ADCY8: variants seen among roughly 807,000 people sequenced by gnomAD.
The protein encoded by ADCY8 is adenylate cyclase 8, also known as adenylate cyclase type 8.
ADCY8 carries 51 observed loss-of-function variants against 119.7 expected under a neutral mutation model. The observed-to-expected ratio is 0.43, with a 90% CI of 0.34 to 0.54. ADCY8 has a LOEUF of 0.54. Among genes scored for constraint, ADCY8 ranks in the 20% least tolerant of loss-of-function variants. The pLI is 0.03. For synonymous variants in ADCY8, 665 were observed against 651.0 expected, an observed-to-expected ratio of 1.02 and a Z score of -0.33; for missense variants, 1,383 against 1,598.8, an observed-to-expected ratio of 0.87 and a Z score of 2.30.
At chr8:130,859,197 A>G (rs953369623) in intron 9 of ADCY8, among the ~76,000 whole-genome samples, 6 of 152,230 alleles carry the variant, frequency 3.9e-5, no homozygotes, top group African/African-American at 1.2e-4. Flanking sequence ...GCATATAAAC[A>G]TATCTATAAA....
chr8:130,971,761 C>A (rs1821929833), intron 2 of ADCY8, among the ~76,000 whole-genome samples: 1 of 152,014 alleles, frequency 6.6e-6, no homozygotes. Context: ...ATAAGAGTGA[C>A]AATGGTTTTA....
chr8:130,893,630 G>T (rs2130491392), intron 7 of ADCY8, among the ~76,000 whole-genome samples: 1 of 151,706 alleles, frequency 6.6e-6, no homozygotes, highest in Admixed American at 6.6e-5. Context: ...GGATTTTTTA[G>T]AGGTGTCAAT....
chr8:130,831,712 A>C (rs1157017885), intron 12 of ADCY8, among the ~76,000 whole-genome samples: 1 of 152,218 alleles, frequency 6.6e-6, no homozygotes, highest in Non-Finnish European at 1.5e-5. Flanking sequence ...TAGAGGTAAC[A>C]AGAAGCTCTT....
chr8:131,027,752 A>G (rs1242895993), intron 1 of ADCY8, among the ~76,000 whole-genome samples: 1 of 152,190 alleles, frequency 6.6e-6, no homozygotes, highest in Admixed American at 6.5e-5. Flanking sequence ...CAGCACAAAG[A>G]TACATACTTG....
chr8:131,004,895 A>G (rs1024743641), intron 1 of ADCY8, among the ~76,000 whole-genome samples: 1 of 152,126 alleles, frequency 6.6e-6, no homozygotes, highest in South Asian at 2.1e-4. Flanking sequence ...GGCTGGGATC[A>G]TTCTGTGGTT....
chr8:131,007,030 A>G (rs1341002422), intron 1 of ADCY8, among the ~76,000 whole-genome samples: 2 of 152,162 alleles, frequency 1.3e-5, no homozygotes, highest in Admixed American at 1.3e-4. Context: ...CCAAATGAAG[A>G]TAAACCATCT....
chr8:130,831,934 C>T (rs1816846996), intron 12 of ADCY8, among the ~76,000 whole-genome samples: 2 of 152,196 alleles, frequency 1.3e-5, no homozygotes, highest in Admixed American at 1.3e-4. Context: ...CTGTGCTAAG[C>T]TTCTATTATC....
At chr8:130,869,696 T>G (rs1818267262) in intron 8 of ADCY8, among the ~76,000 whole-genome samples, 1 of 151,700 alleles carries the variant, frequency 6.6e-6, no homozygotes, top group Non-Finnish European at 1.5e-5. Context: ...TTTTTGTATT[T>G]TTAGTAGAGA....
At position 130,884,437 on chromosome 8, in the gene ADCY8, TACCAA is replaced by T. The variant is rs1275910170; in HGVS notation, c.2109+122_2109+126del. 7.2e-6 allele frequency: 7 copies of T among 970,034 alleles called. No homozygotes were observed. The African/African-American group carries it at 9.8e-5, about 14-fold the overall frequency. 60.1% of individuals were successfully genotyped at this position (970,034 alleles called of 1,614,324 possible). On this transcript the variant is annotated intron_variant, in intron 8 of 17. Transcript: ENST00000286355. Reference sequence around the variant, plus strand: ...TTTCAAGGAGAAAAATGAAAGACAGTACCAAACCAAACCAAAGCAAACAAACAAAG... The same window carrying T: ...TTTCAAGGAGAAAAATGAAAGACAGTACCAAACCAAAGCAAACAAACAAAG...
intron 14 of ADCY8, among the ~76,000 whole-genome samples, chr8:130,809,212 G>C (rs1322790065): frequency 1.3e-5 from 2 of 152,104 alleles, no homozygotes; most frequent in Non-Finnish European, 2.9e-5. Flanking sequence ...GAGGTGGAGG[G>C]GAAAGAACAC....
At chr8:130,881,071 G>A (rs1022175391) in intron 8 of ADCY8, among the ~76,000 whole-genome samples, 1 of 152,158 alleles carries the variant, frequency 6.6e-6, no homozygotes, top group African/African-American at 2.4e-5. Context: ...CCATGGCAGG[G>A]AGTACACAGA....
At chr8:130,900,321 C>G (rs56235569) in intron 7 of ADCY8, among the ~76,000 whole-genome samples, 74,016 of 151,992 alleles carry the variant, frequency 0.49, 19,167 homozygotes, top group East Asian at 0.63. Flanking sequence ...TAAGGGGCCA[C>G]AGATAATTAT....
intron 6 of ADCY8, 152 bp from the exon 7 acceptor site, chr8:130,904,194 A>C (rs1156850542): frequency 6.4e-6 from 5 of 786,730 alleles, no homozygotes; most frequent in Non-Finnish European, 1.0e-5. Flanking sequence ...AAAAAGTAGA[A>C]AGAATAAAAG....
chr8:130,992,738 A>T (rs1822638992), intron 1 of ADCY8, among the ~76,000 whole-genome samples: 1 of 152,124 alleles, frequency 6.6e-6, no homozygotes, highest in African/African-American at 2.4e-5. Context: ...TAAATGATTT[A>T]TGAAAAGGTT....
In ADCY8 at chr8:130,896,316, G is replaced by T. The variant is rs150034757; in HGVS notation, c.1911+7456C>A. ...AATTGTAGTTTCTCAGTAAGCTGTT[G>T]ATAAATGCATGGCTGAATGAATGAA... On this transcript the variant is annotated intron_variant, in intron 7 of 17. Transcript: ENST00000286355. 5.3e-3 allele frequency among the ~76,000 whole-genome samples: 812 copies of T among 152,222 alleles called. 6 individuals carry two copies. Among genetic ancestry groups the T allele is most frequent in the South Asian group, 0.011 (53 of 4,820 alleles).
At chr8:131,001,476 T>C (rs1822945242) in intron 1 of ADCY8, among the ~76,000 whole-genome samples, 1 of 151,824 alleles carries the variant, frequency 6.6e-6, no homozygotes, top group South Asian at 2.1e-4. Flanking sequence ...ATCTGACCAA[T>C]GGGAATAAAC....
At chr8:130,859,790 C>T (rs763409767) in intron 9 of ADCY8, among the ~76,000 whole-genome samples, 2 of 152,172 alleles carry the variant, frequency 1.3e-5, no homozygotes, top group African/African-American at 4.8e-5. Context: ...TGGACTTCAT[C>T]TCTTTTATTC....
chr8:130,906,252 C>T (rs369271680), intron 6 of ADCY8, among the ~76,000 whole-genome samples: 4 of 152,322 alleles, frequency 2.6e-5, no homozygotes, highest in South Asian at 4.2e-4. Context: ...AAGTCCCCAT[C>T]CGCTTTCTCA....
intron 9 of ADCY8, among the ~76,000 whole-genome samples, chr8:130,852,174 G>A (rs1586482455): frequency 1.3e-5 from 2 of 152,204 alleles, no homozygotes; most frequent in South Asian, 2.1e-4. Flanking sequence ...AACCAAGAAT[G>A]TCAATTTCCT....
Sources: allele counts gnomAD v4.1 joint callset (sites outside exome capture counted in the v4.1 genomes callset), GRCh38; gene constraint gnomAD v4.1.1; transcripts MANE v1.5; gene names NCBI Gene and HGNC (gene_info 2026-07-23, HGNC 2026-07-21).